Variants in RELN observed in about 807,000 individuals in gnomAD.
RELN encodes the protein reelin.
In RELN, 108 loss-of-function variants were observed where a neutral mutation model predicts 427.6. The ratio of observed to expected loss-of-function variants is 0.25; its 90% CI spans 0.22 to 0.30. The LOEUF (loss-of-function observed/expected upper bound fraction) is 0.30, where lower values mean the gene tolerates loss of function less well. Among genes scored for constraint, RELN ranks in the 10% least tolerant of loss-of-function variants. RELN has a pLI of 1.00. For missense variants in RELN, 3,715 were observed against 4,302.8 expected (o/e 0.86, Z 3.82); for synonymous variants, 1,524 against 1,513.4 (o/e 1.01, Z -0.16).
In RELN at chr7:103,888,452, A is replaced by T. The variant is rs76748703; in HGVS notation, c.337+28623T>A. On this transcript the variant is annotated intron_variant, in intron 2 of 64. Transcript: ENST00000428762. ...AGCCACAGGAAATTCCAAAAGCTGA[A>T]TCAGAAACTACTTTAGTGTTTATAT... Among the ~76,000 whole-genome samples, 231 of 152,300 alleles carry T rather than the reference A, an allele frequency of 1.5e-3. 1 individual carries two copies. The highest frequency in any genetic ancestry group is 5.3e-3 in the African/African-American group (219 of 41,570).
chr7:103,490,375 G>C (rs1828610170), intron 59 of RELN, among the ~76,000 whole-genome samples: 1 of 152,180 alleles, frequency 6.6e-6, no homozygotes, highest in Non-Finnish European at 1.5e-5. Flanking sequence ...TTGGATTGGG[G>C]TCTGTCATTC....
At chr7:103,613,923 T>C (rs923587512) in intron 20 of RELN, among the ~76,000 whole-genome samples, 2 of 152,214 alleles carry the variant, frequency 1.3e-5, no homozygotes, top group Non-Finnish European at 2.9e-5. Flanking sequence ...CGTGTCCTCA[T>C]AATTCTATAG....
At chr7:103,751,518 T>C (rs1791000898) in intron 5 of RELN, among the ~76,000 whole-genome samples, 1 of 152,208 alleles carries the variant, frequency 6.6e-6, no homozygotes. Context: ...AGGGAGAATA[T>C]GGATATACAC....
chr7:103,694,280 C>G (rs750356249), intron 10 of RELN, among the ~76,000 whole-genome samples: 3 of 152,112 alleles, frequency 2.0e-5, no homozygotes. Flanking sequence ...CTTGTGACAG[C>G]AAAGCTATGT....
At chr7:103,514,948 T>C (rs771732523) in intron 50 of RELN, among the ~76,000 whole-genome samples, 11 of 152,146 alleles carry the variant, frequency 7.2e-5, no homozygotes, top group African/African-American at 1.4e-4. Context: ...AAAATCCTGT[T>C]AATAAAATTA....
At chr7:103,732,572 A>G (rs921627624) in intron 6 of RELN, among the ~76,000 whole-genome samples, 3 of 152,140 alleles carry the variant, frequency 2.0e-5, no homozygotes, top group Non-Finnish European at 4.4e-5. Flanking sequence ...ACAGAAGGCA[A>G]CTGGTGGTCA....
chr7:103,502,376 G>C (rs780027276), intron 52 of RELN, among the ~76,000 whole-genome samples: 3 of 152,196 alleles, frequency 2.0e-5, no homozygotes, highest in Non-Finnish European at 4.4e-5. Context: ...GATTAATACA[G>C]TCTAGGTGCA....
chr7:103,591,368 C>A (rs923420668), intron 27 of RELN, among the ~76,000 whole-genome samples: 3 of 152,090 alleles, frequency 2.0e-5, no homozygotes, highest in Non-Finnish European at 2.9e-5. Flanking sequence ...CTCAGGAGGT[C>A]AATCAGTTAA....
chr7:103,640,900 C>T lies in RELN; in HGVS notation c.2003-291G>A, dbSNP rs771286082. On this transcript the variant is annotated intron_variant, in intron 16 of 64. Coordinates refer to ENST00000428762, the MANE Select transcript of RELN (RefSeq NM_005045.4). The surrounding 1 kb of genome is among the most constrained non-coding windows in gnomAD (Gnocchi z 4.1). ...CTATTAGACAATATTAGCGCTTCTG[C>T]CTTGAACATTCTACAAAGTTTATTT... Among the ~76,000 whole-genome samples, 1 of 152,022 alleles carries T rather than the reference C, an allele frequency of 6.6e-6. No homozygotes were observed. Among genetic ancestry groups the T allele is most frequent in the Non-Finnish European group, 1.5e-5 (1 of 67,992 alleles).
chr7:103,487,433 G>A, intron 60 of RELN, among the ~76,000 whole-genome samples: 1 of 127,678 alleles, frequency 7.8e-6, no homozygotes. Flanking sequence ...ACAAAATCCA[G>A]GAAAAAAAAT....
At chr7:103,606,652 G>T (rs1181924399) in intron 22 of RELN, among the ~76,000 whole-genome samples, 2 of 152,116 alleles carry the variant, frequency 1.3e-5, no homozygotes, top group African/African-American at 4.8e-5. Flanking sequence ...ACTTCCAAAT[G>T]TGAAAATGGG....
chr7:103,706,901 T>C (rs1361460123), intron 8 of RELN, among the ~76,000 whole-genome samples: 1 of 152,192 alleles, frequency 6.6e-6, no homozygotes, highest in East Asian at 1.9e-4. Context: ...GGCATCACTT[T>C]CTCTGCACAT....
intron 8 of RELN, among the ~76,000 whole-genome samples, chr7:103,702,423 A>G (rs1834113566): frequency 6.6e-6 from 1 of 152,264 alleles, no homozygotes; most frequent in Non-Finnish European, 1.5e-5. Flanking sequence ...CTGAAAAAGG[A>G]AAGCATTCAA....
At chr7:103,761,448 T>A (rs1004496908) in intron 4 of RELN, among the ~76,000 whole-genome samples, 1 of 152,204 alleles carries the variant, frequency 6.6e-6, no homozygotes, top group Non-Finnish European at 1.5e-5. Flanking sequence ...GGTACATTTT[T>A]ATTTTTATAT....
intron 7 of RELN, among the ~76,000 whole-genome samples, chr7:103,723,810 A>G (rs1790135951): frequency 6.6e-6 from 1 of 152,108 alleles, no homozygotes; most frequent in Admixed American, 6.6e-5. Flanking sequence ...TTATTTCTCA[A>G]TAAAACTGTT....
intron 6 of RELN, among the ~76,000 whole-genome samples, chr7:103,728,962 A>C (rs1790283915): frequency 6.6e-6 from 1 of 152,156 alleles, no homozygotes; most frequent in Non-Finnish European, 1.5e-5. Context: ...GTGGTTATTA[A>C]AATCTTAGGA....
chr7:103,836,622 T>G (rs1259546533), intron 2 of RELN, among the ~76,000 whole-genome samples: 1 of 152,030 alleles, frequency 6.6e-6, no homozygotes, highest in African/African-American at 2.4e-5. Flanking sequence ...AAATGAACCC[T>G]CCTCTATCTT....
At chr7:103,519,772 G>T (rs2117086614) in intron 48 of RELN, among the ~76,000 whole-genome samples, 1 of 152,072 alleles carries the variant, frequency 6.6e-6, no homozygotes. Flanking sequence ...ACAGGGTTTT[G>T]TTATGTTGTC....
intron 2 of RELN, among the ~76,000 whole-genome samples, chr7:103,908,284 C>A (rs1795262089): frequency 6.6e-6 from 1 of 152,136 alleles, no homozygotes; most frequent in Admixed American, 6.6e-5. Context: ...TTCTATTGCC[C>A]TTCTCAAAGA....
Sources: gnomAD v4.1 joint callset for allele counts (sites outside exome capture counted in the v4.1 genomes callset) on GRCh38, gnomAD v4.1.1 for gene constraint, Gnocchi (gnomAD v3.1) non-coding constraint, MANE v1.5 for transcripts, NCBI Gene and HGNC (gene_info 2026-07-23, HGNC 2026-07-21) for gene names.